FRMPD4: variants seen among roughly 807,000 people sequenced by gnomAD.
FRMPD4 encodes FERM and PDZ domain containing 4.
FRMPD4 carries 22 observed loss-of-function variants against 94.1 expected under a neutral mutation model. The observed-to-expected ratio is 0.23, with a 90% confidence interval of 0.17 to 0.33. FRMPD4 has a LOEUF of 0.33. FRMPD4 is among the 10% of genes least tolerant of loss of function. FRMPD4 has a pLI of 1.00. For missense variants in FRMPD4, 1,111 were observed against 1,339.9 expected, an observed-to-expected ratio of 0.83 and a Z score of 2.67; for synonymous variants, 631 against 548.6, an observed-to-expected ratio of 1.15 and a Z score of -2.10.
intron 3 of FRMPD4, among the ~76,000 whole-genome samples, chrX:12,073,951 A>G (rs934589848): frequency 2.7e-5 from 3 of 111,789 alleles, no homozygotes; most frequent in African/African-American, 9.7e-5. Flanking sequence ...AGAATATTCC[A>G]TATGTTCATT....
intron 3 of FRMPD4, among the ~76,000 whole-genome samples, chrX:12,130,663 TG>T (rs764851169): frequency 1.8e-5 from 2 of 111,240 alleles, no homozygotes; most frequent in African/African-American, 6.5e-5. Flanking sequence ...CTGCCATTTT[TG>T]TACATACATC....
At chrX:12,591,411 G>A (rs2058981603) in intron 2 of FRMPD4, among the ~76,000 whole-genome samples, 2 of 111,713 alleles carry the variant, frequency 1.8e-5, no homozygotes. Flanking sequence ...TGGCAGAGGT[G>A]GAAGAAAATC....
At chrX:12,664,179 T>C (rs758389112) in intron 4 of FRMPD4, among the ~76,000 whole-genome samples, 3 of 112,234 alleles carry the variant, frequency 2.7e-5, no homozygotes, top group Non-Finnish European at 5.6e-5. Flanking sequence ...CTCTTCCTAT[T>C]TGAATACCCG....
intron 1 of FRMPD4, among the ~76,000 whole-genome samples, chrX:12,460,500 A>C (rs1007886044): frequency 8.9e-6 from 1 of 111,906 alleles, no homozygotes; most frequent in Non-Finnish European, 1.9e-5. Context: ...TTCCAACTAC[A>C]TATGTCTTTT....
chrX:11,913,860 G>C (rs2054009387), intron 3 of FRMPD4, among the ~76,000 whole-genome samples: 1 of 112,063 alleles, frequency 8.9e-6, no homozygotes, highest in Non-Finnish European at 1.9e-5. Context: ...AATTGAGTGA[G>C]CGAGCAGAGG....
intron 3 of FRMPD4, among the ~76,000 whole-genome samples, chrX:12,077,661 G>A (rs934171610): frequency 5.4e-5 from 6 of 111,302 alleles, no homozygotes; most frequent in South Asian, 7.7e-4. Context: ...TGTTGACACC[G>A]TGTGGAATTT....
chrX:12,240,183 G>A (rs1307559854), intron 1 of FRMPD4, among the ~76,000 whole-genome samples: 2 of 112,543 alleles, frequency 1.8e-5, no homozygotes, highest in African/African-American at 3.2e-5. Context: ...TGGTAGAGTT[G>A]AGTGGTTGTG....
chrX:11,834,817 T>A (rs930595502), intron 1 of FRMPD4, among the ~76,000 whole-genome samples: 1 of 112,177 alleles, frequency 8.9e-6, no homozygotes, highest in African/African-American at 3.2e-5. Flanking sequence ...TAAAAAACCA[T>A]AACACATGCA....
intron 1 of FRMPD4, among the ~76,000 whole-genome samples, chrX:12,273,923 A>G (rs766369985): frequency 5.4e-5 from 6 of 112,087 alleles, no homozygotes; most frequent in Non-Finnish European, 7.5e-5. Context: ...CATTATTTCC[A>G]TGCTGTTACG....
At chrX:11,986,384 T>C (rs933843554) in intron 3 of FRMPD4, among the ~76,000 whole-genome samples, 26 of 111,433 alleles carry the variant, frequency 2.3e-4, no homozygotes, top group African/African-American at 8.2e-4. Context: ...CAAATGATAA[T>C]GGAAACACAA....
chrX:11,879,990 A>G (rs1000795693), intron 3 of FRMPD4, among the ~76,000 whole-genome samples: 3 of 112,663 alleles, frequency 2.7e-5, no homozygotes, highest in Non-Finnish European at 5.6e-5. Flanking sequence ...ACTTATTATC[A>G]TAAGACTCAA....
At chrX:12,195,759 ATAGCTCAGTCCTGC>A (rs2056560072) in intron 1 of FRMPD4, among the ~76,000 whole-genome samples, 1 of 112,041 alleles carries the variant, frequency 8.9e-6, no homozygotes, top group African/African-American at 3.2e-5. Flanking sequence ...TCTGAAGATA[ATAGCTCAGTCCTGC>A]TAGGTTAACA....
At chrX:11,967,502 A>G (rs1162961532) in intron 3 of FRMPD4, among the ~76,000 whole-genome samples, 3 of 112,357 alleles carry the variant, frequency 2.7e-5, no homozygotes, top group Non-Finnish European at 3.8e-5. Context: ...TATTTGCACA[A>G]TGTATTCACA....
chrX:12,147,698 T>G (rs750551567), intron 1 of FRMPD4, among the ~76,000 whole-genome samples: 2 of 112,272 alleles, frequency 1.8e-5, no homozygotes, highest in Admixed American at 1.9e-4. Context: ...GGTTTATTGG[T>G]GCTTTATAGA....
At chrX:11,861,133 G>C (rs2053684197) in intron 1 of FRMPD4, among the ~76,000 whole-genome samples, 1 of 111,639 alleles carries the variant, frequency 9.0e-6, no homozygotes, top group South Asian at 3.7e-4. Context: ...ATGAACAAGA[G>C]GCATATGCTC....
intron 4 of FRMPD4, among the ~76,000 whole-genome samples, chrX:12,639,649 T>C (rs2059475705): frequency 8.9e-6 from 1 of 112,673 alleles, no homozygotes; most frequent in African/African-American, 3.2e-5. Flanking sequence ...ATTTGATCTA[T>C]TGAAGTTATT....
intron 1 of FRMPD4, among the ~76,000 whole-genome samples, chrX:12,251,155 A>G (rs1469942562): frequency 8.9e-6 from 1 of 112,270 alleles, no homozygotes; most frequent in Non-Finnish European, 1.9e-5. Flanking sequence ...CCAATTGATC[A>G]AAGAGCAAGG....
At chrX:12,421,630 G>T (rs977383496) in intron 1 of FRMPD4, among the ~76,000 whole-genome samples, 2 of 109,626 alleles carry the variant, frequency 1.8e-5, no homozygotes, top group Non-Finnish European at 3.8e-5. Flanking sequence ...ATGGTGGTGT[G>T]TGCCTGTGGT....
chrX:12,618,887 TC>T (rs1228758550), intron 4 of FRMPD4, among the ~76,000 whole-genome samples: 11 of 111,773 alleles, frequency 9.8e-5, no homozygotes, highest in Non-Finnish European at 1.9e-4. Flanking sequence ...CTAAAGTTAG[TC>T]CCAGTTTTAG....
Sources: gnomAD v4.1 joint callset for allele counts (sites outside exome capture counted in the v4.1 genomes callset) on GRCh38, gnomAD v4.1.1 for gene constraint, MANE v1.5 for transcripts, NCBI Gene and HGNC (gene_info 2026-07-23, HGNC 2026-07-21) for gene names.